Variants in ZFP64 observed in about 807,000 individuals in gnomAD.
The protein encoded by ZFP64 is zinc finger protein 64.
ZFP64 carries 14 observed loss-of-function variants against 51.6 expected under a neutral mutation model. The ratio of observed to expected loss-of-function variants is 0.27; its 90% CI spans 0.18 to 0.42. The LOEUF (loss-of-function observed/expected upper bound fraction) is 0.42. ZFP64 is among the 10% of genes least tolerant of loss of function. The probability of loss-of-function intolerance (pLI) is 1.00; values close to 1 mark genes in which losing one functional copy is unlikely to be tolerated. For missense variants in ZFP64, 754 were observed against 906.8 expected, an observed-to-expected ratio of 0.83 and a Z score of 2.16; for synonymous variants, 375 against 361.4, an observed-to-expected ratio of 1.04 and a Z score of -0.43.
chr20:52,113,037 A>G (rs1433935414), intron 5 of ZFP64, among the ~76,000 whole-genome samples: 1 of 152,176 alleles, frequency 6.6e-6, no homozygotes, highest in Non-Finnish European at 1.5e-5. Flanking sequence ...CCAAAGAGGT[A>G]TAAAACTAGA....
chr20:52,125,703 T>C (rs754153295), intron 5 of ZFP64, among the ~76,000 whole-genome samples: 5 of 151,962 alleles, frequency 3.3e-5, no homozygotes, highest in African/African-American at 4.8e-5. Context: ...GAGATGAACA[T>C]AATAACTGGT....
At chr20:52,172,143 G>A (rs941307282) in intron 2 of ZFP64, among the ~76,000 whole-genome samples, 2 of 152,054 alleles carry the variant, frequency 1.3e-5, no homozygotes, top group Non-Finnish European at 2.9e-5. Context: ...CAACCTGGGT[G>A]TGTGCATGTG....
At chr20:52,141,290 G>A (rs755941930) in intron 5 of ZFP64, among the ~76,000 whole-genome samples, 6 of 152,132 alleles carry the variant, frequency 3.9e-5, no homozygotes, top group Admixed American at 6.5e-5. Context: ...AGACTATAGC[G>A]GTGATAGTGA....
intron 5 of ZFP64, among the ~76,000 whole-genome samples, chr20:52,102,578 G>A (rs904651541): frequency 6.6e-6 from 1 of 152,148 alleles, no homozygotes; most frequent in Non-Finnish European, 1.5e-5. Context: ...TCACATACTA[G>A]AAGAGAAAAC....
Position 52,186,841 on chromosome 20 carries a change from T to C in ZFP64, c.277A>G (p.Thr93Ala). The change falls in exon 2 of 6, where the codon ACA becomes GCA. Residue 93 changes from threonine (T) to alanine (A), a missense_variant. Physicochemically the swap from Thr to Ala is moderately conservative, Grantham distance 58. Transcript: ENST00000216923. ...TTRTITSETQTITVSAPEFVF... is the reference protein window; with the variant it reads ...TTRTITSETQAITVSAPEFVF... Reference sequence around the variant, plus strand: ...CATGCTCCAGCTGTACCTGTGATTGTCTGGGTCTCCGAGGTGATGGTTCTG... The same window carrying C: ...CATGCTCCAGCTGTACCTGTGATTGCCTGGGTCTCCGAGGTGATGGTTCTG... The C allele has an allele frequency of 5.6e-6, 9 of 1,608,238 alleles. No individual in the cohort carries two copies. The highest frequency in any genetic ancestry group is 7.7e-6 in the Non-Finnish European group (9 of 1,175,188).
intron 5 of ZFP64, among the ~76,000 whole-genome samples, chr20:52,102,107 C>CG (rs551838560): frequency 2.0e-4 from 13 of 63,438 alleles, no homozygotes; most frequent in Admixed American, 5.6e-4. Context: ...ACTCCATCTC[C>CG]AAAAAAAAAA....
intron 2 of ZFP64, among the ~76,000 whole-genome samples, chr20:52,185,270 C>T (rs981588673): frequency 6.6e-6 from 1 of 152,098 alleles, no homozygotes. Flanking sequence ...GTGATCCACC[C>T]GCCTCGGCCT....
chr20:52,190,484 G>T (rs1984288873), intron 1 of ZFP64, among the ~76,000 whole-genome samples: 1 of 152,004 alleles, frequency 6.6e-6, no homozygotes, highest in Admixed American at 6.6e-5. Flanking sequence ...ATTTCTCCAA[G>T]AAAAAACACG....
In ZFP64 at chr20:52,144,578, CAA is replaced by C. The variant is rs1156545584; in HGVS notation, c.763+15543_763+15544del. ...CTGGTGACAGAGCGAGACTCCGTCT[CAA>C]AAAAAAAAAAAAAAAAAAAAAATGC... On this transcript the variant is annotated intron_variant, in intron 5 of 8. Coordinates refer to the ZFP64 transcript ENST00000361387. Among the ~76,000 whole-genome samples, 118 of 23,314 alleles carry C rather than the reference CAA, an allele frequency of 5.1e-3. 2 individuals are homozygous for C. Among genetic ancestry groups the C allele is most frequent in the African/African-American group, 0.018 (97 of 5,530 alleles). The allele number at this position is 23,314 out of a possible 152,430, so 15.3% of individuals were successfully genotyped here. A position where few individuals can be genotyped will look rare whatever the true frequency, so the allele number is the denominator to read the frequency against.
chr20:52,104,928 G>A (rs1282880800), intron 5 of ZFP64: 6 of 672,008 alleles, frequency 8.9e-6, no homozygotes, highest in Non-Finnish European at 1.5e-5. Flanking sequence ...GAATCCAGGC[G>A]GGGAAGGGGA....
chr20:52,139,487 C>G (rs1416854397), intron 5 of ZFP64, among the ~76,000 whole-genome samples: 1 of 152,030 alleles, frequency 6.6e-6, no homozygotes, highest in Non-Finnish European at 1.5e-5. Context: ...ACAACAGACA[C>G]TGGGTTCTAC....
At chr20:52,137,301 C>G (rs756431821) in intron 5 of ZFP64, among the ~76,000 whole-genome samples, 1 of 152,136 alleles carries the variant, frequency 6.6e-6, no homozygotes, top group Non-Finnish European at 1.5e-5. Context: ...CACTGCCTTG[C>G]TTTTTTTCCT....
At chr20:52,150,902 A>G (rs1392230878), downstream of ZFP64, among the ~76,000 whole-genome samples, 1 of 152,250 alleles carries the variant, frequency 6.6e-6, no homozygotes, top group Non-Finnish European at 1.5e-5. Flanking sequence ...CCTCTTCTCA[A>G]TACAACCTAT....
chr20:52,105,134 G>C (rs769587095), intron 5 of ZFP64: 1 of 1,423,078 alleles, frequency 7.0e-7, no homozygotes, highest in South Asian at 1.6e-5. Context: ...CTACTCACCC[G>C]GCTCCCCCGC....
chr20:52,104,508 C>T (rs2079088796), intron 5 of ZFP64: 2 of 359,678 alleles, frequency 5.6e-6, no homozygotes, highest in East Asian at 1.5e-4. Flanking sequence ...GAGCTCTTAC[C>T]AAGGCTCACG....
At chr20:52,144,592 A>G (rs1486419203) in intron 5 of ZFP64, among the ~76,000 whole-genome samples, 3 of 147,508 alleles carry the variant, frequency 2.0e-5, no homozygotes, top group East Asian at 3.9e-4. Flanking sequence ...AAAAAAAAAA[A>G]AAAAAAAAAA....
intron 5 of ZFP64, among the ~76,000 whole-genome samples, chr20:52,123,358 C>A (rs1474796582): frequency 6.6e-6 from 1 of 152,208 alleles, no homozygotes; most frequent in Non-Finnish European, 1.5e-5. Context: ...TGCTATCAAA[C>A]AGCATTGCAT....
At position 52,153,590 on chromosome 20, in the gene ZFP64, G is replaced by A. The variant is rs946272444; in HGVS notation, c.764-162C>T. Among the ~76,000 whole-genome samples, 5 of 152,100 alleles carry A rather than the reference G, an allele frequency of 3.3e-5. No individual in the cohort carries two copies. Among genetic ancestry groups the A allele is most frequent in the Admixed American group, 2.6e-4 (4 of 15,268 alleles). The stretch of plus-strand genomic sequence containing the variant: ...GGCAGTGGGGGAAGAGGGGCAGGGC[G>A]TCTTTATCTTTCCCCGGAACCCAAA... On this transcript the variant is annotated intron_variant, in intron 5 of 5. Transcript: ENST00000216923. The surrounding 1 kb of genome is among the most constrained non-coding windows in gnomAD (Gnocchi z 5.1).
chr20:52,132,910 A>G (rs971916932), intron 5 of ZFP64, among the ~76,000 whole-genome samples: 4 of 152,072 alleles, frequency 2.6e-5, no homozygotes, highest in African/African-American at 9.7e-5. Context: ...ATCAAAAAAA[A>G]GAAAACTACA....
Sources: gnomAD v4.1 joint callset for allele counts (sites outside exome capture counted in the v4.1 genomes callset) on GRCh38, gnomAD v4.1.1 for gene constraint, Gnocchi (gnomAD v3.1) non-coding constraint, MANE v1.5 for transcripts, NCBI Gene and HGNC (gene_info 2026-07-23, HGNC 2026-07-21) for gene names.